Variants in ADK observed in about 807,000 individuals in gnomAD.
ADK encodes adenosine kinase.
Under a neutral mutation model 44.7 loss-of-function variants are expected in ADK, and 24 were observed. That is an observed-to-expected ratio of 0.54 (90% CI 0.39 to 0.76). ADK has a LOEUF of 0.76. Ranked by LOEUF, ADK falls within the 30% of genes least tolerant of loss-of-function variation. The probability of loss-of-function intolerance (pLI) is 0.00; values close to 1 mark genes in which losing one functional copy is unlikely to be tolerated. For missense variants in ADK, 321 were observed against 425.1 expected, an observed-to-expected ratio of 0.76 and a Z score of 2.15; for synonymous variants, 128 against 142.6, an observed-to-expected ratio of 0.90 and a Z score of 0.73.
At chr10:74,601,311 A>C (rs1852110832) in intron 9 of ADK, among the ~76,000 whole-genome samples, 1 of 152,176 alleles carries the variant, frequency 6.6e-6, no homozygotes, top group Non-Finnish European at 1.5e-5. Flanking sequence ...AATATGAAGT[A>C]CATTTGTGTT....
intron 6 of ADK, among the ~76,000 whole-genome samples, chr10:74,490,656 A>G (rs938037849): frequency 6.6e-6 from 1 of 152,158 alleles, no homozygotes; most frequent in African/African-American, 2.4e-5. Context: ...CCTAAAGGAA[A>G]GTGGCCCAAA....
chr10:74,482,058 A>G (rs1318473752), intron 6 of ADK, among the ~76,000 whole-genome samples: 1 of 152,204 alleles, frequency 6.6e-6, no homozygotes, highest in African/African-American at 2.4e-5. Flanking sequence ...ACAAATTTTA[A>G]GTCTGTTGTT....
intron 6 of ADK, among the ~76,000 whole-genome samples, chr10:74,431,383 C>T (rs1844994171): frequency 6.6e-6 from 1 of 152,138 alleles, no homozygotes; most frequent in Admixed American, 6.5e-5. Context: ...TTTAGGCAAA[C>T]TTGCATTGGA....
At chr10:74,333,728 AGATTT>A (rs541265583) in intron 4 of ADK, among the ~76,000 whole-genome samples, 48 of 152,320 alleles carry the variant, frequency 3.2e-4, no homozygotes, top group African/African-American at 1.2e-3. Flanking sequence ...TAAGAAAAAA[AGATTT>A]CAAAATTATA....
chr10:74,482,268 G>A (rs1847100832), intron 6 of ADK, among the ~76,000 whole-genome samples: 1 of 152,128 alleles, frequency 6.6e-6, no homozygotes, highest in South Asian at 2.1e-4. Context: ...TTACATGGCT[G>A]GAGCAGAAGG....
At chr10:74,331,440 A>G (rs1841214247) in intron 4 of ADK, among the ~76,000 whole-genome samples, 1 of 152,234 alleles carries the variant, frequency 6.6e-6, no homozygotes, top group Non-Finnish European at 1.5e-5. Context: ...GAATAATAAA[A>G]TAGAATCAGT....
At chr10:74,334,360 T>C in intron 4 of ADK, among the ~76,000 whole-genome samples, 1 of 152,186 alleles carries the variant, frequency 6.6e-6, no homozygotes, top group Non-Finnish European at 1.5e-5. Context: ...ATTTACTGCT[T>C]GCTATAAAAT....
intron 4 of ADK, among the ~76,000 whole-genome samples, chr10:74,360,135 T>C (rs1842288174): frequency 6.6e-6 from 1 of 152,112 alleles, no homozygotes. Context: ...TTGGATGAAA[T>C]GTTCTGTAAA....
At chr10:74,570,476 A>G (rs1238684495) in intron 7 of ADK, among the ~76,000 whole-genome samples, 1 of 150,436 alleles carries the variant, frequency 6.6e-6, no homozygotes, top group Non-Finnish European at 1.5e-5. Context: ...GTTCTCCTTG[A>G]AGAGGTCCCT....
chr10:74,676,043 T>C (rs7072504), intron 10 of ADK, among the ~76,000 whole-genome samples: 16,169 of 80,090 alleles, frequency 0.2, 1,423 homozygotes, highest in African/African-American at 0.39. Context: ...ATTCTTAGAA[T>C]TAAAAAAAAA....
At position 74,206,811 on chromosome 10, in the gene ADK, T is replaced by C. The variant is rs529187001; in HGVS notation, c.140+5973T>C. Among the ~76,000 whole-genome samples the C allele has an allele frequency of 3.9e-5, 6 of 152,302 alleles. No homozygotes were observed. The South Asian group carries it at 1.2e-3, about 32-fold the overall frequency. On this transcript the variant is annotated intron_variant, in intron 2 of 10. Coordinates refer to ENST00000539909, the MANE Select transcript of ADK (RefSeq NM_006721.4). ...TTTCAGGCAAATGTGATCAGAGTGA[T>C]TATGACTTGGCAGCTGTGTGATGAT... is the stretch of plus-strand genomic sequence containing the variant.
At chr10:74,191,088 C>T (rs1373169732) in intron 1 of ADK, among the ~76,000 whole-genome samples, 1 of 150,096 alleles carries the variant, frequency 6.7e-6, no homozygotes, top group Non-Finnish European at 1.5e-5. Flanking sequence ...TCAAACGATT[C>T]CCCTGCTTCA....
rs1592115363 is a variant in ADK, at chr10:74,371,847, C to G, written c.274-22294C>G. The G allele has an allele frequency of 2.3e-6, 3 of 1,331,284 alleles. No homozygotes were observed. In the East Asian group the frequency reaches 6.9e-5, roughly 31 times the overall value. The allele number at this position is 1,331,284 out of a possible 1,614,324, so 82.5% of individuals were successfully genotyped here. ...CACTCCAATTGTTGGCCACTTCACTCCTGGAACCTTCACTAACCACATCCA... is the reference window on the plus strand; with the variant it reads ...CACTCCAATTGTTGGCCACTTCACTGCTGGAACCTTCACTAACCACATCCA... On this transcript the variant is annotated intron_variant, in intron 4 of 10. Transcript: ENST00000539909.
chr10:74,330,363 G>C (rs1265604583), intron 4 of ADK, among the ~76,000 whole-genome samples: 1 of 152,064 alleles, frequency 6.6e-6, no homozygotes, highest in African/African-American at 2.4e-5. Flanking sequence ...AGTATGCTAT[G>C]ATTGCTCCTG....
intron 9 of ADK, among the ~76,000 whole-genome samples, chr10:74,639,605 G>T (rs753627408): frequency 6.6e-6 from 1 of 152,176 alleles, no homozygotes; most frequent in Non-Finnish European, 1.5e-5. Flanking sequence ...GGGAGGCCGA[G>T]GGGGGCAGAT....
At chr10:74,286,909 AC>A (rs1407731200) in intron 3 of ADK, among the ~76,000 whole-genome samples, 1 of 152,036 alleles carries the variant, frequency 6.6e-6, no homozygotes, top group Non-Finnish European at 1.5e-5. Context: ...CTTGTCTCGA[AC>A]CCCTGGGCTC....
intron 4 of ADK, among the ~76,000 whole-genome samples, chr10:74,380,871 A>C (rs1190381557): frequency 6.6e-6 from 1 of 152,194 alleles, no homozygotes; most frequent in African/African-American, 2.4e-5. Flanking sequence ...TGTCAAAGGA[A>C]ATATGAAACA....
At chr10:74,440,296 G>T (rs1440438880) in intron 6 of ADK, among the ~76,000 whole-genome samples, 1 of 152,018 alleles carries the variant, frequency 6.6e-6, no homozygotes, top group African/African-American at 2.4e-5. Flanking sequence ...GAAAAATGCA[G>T]GAACTCAAGG....
At chr10:74,417,802 G>T (rs1183739316) in intron 6 of ADK, among the ~76,000 whole-genome samples, 1 of 150,548 alleles carries the variant, frequency 6.6e-6, no homozygotes, top group East Asian at 1.9e-4. Flanking sequence ...CCATTCACGA[G>T]CCCTGACTGC....
Sources: allele counts gnomAD v4.1 joint callset (sites outside exome capture counted in the v4.1 genomes callset), GRCh38; gene constraint gnomAD v4.1.1; transcripts MANE v1.5; gene names NCBI Gene and HGNC (gene_info 2026-07-23, HGNC 2026-07-21).